The following SRGAP1 variants were observed in gnomAD, a reference collection of about 807,000 sequenced individuals.
SRGAP1 encodes SLIT-ROBO Rho GTPase-activating protein 1.
A neutral mutation model predicts 121.9 loss-of-function variants in SRGAP1; 43 were observed. The ratio of observed to expected loss-of-function variants is 0.35; its 90% CI spans 0.28 to 0.46. The LOEUF (loss-of-function observed/expected upper bound fraction) is 0.46, where lower values mean the gene tolerates loss of function less well. Ranked by LOEUF, SRGAP1 falls within the 20% of genes least tolerant of loss-of-function variation. SRGAP1 has a pLI of 1.00. For synonymous variants in SRGAP1, 447 were observed against 485.4 expected (o/e 0.92, Z 1.04); for missense variants, 1,102 against 1,350.9 (o/e 0.82, Z 2.89).
chr12:64,087,129 G>T, intron 11 of SRGAP1, 103 bp downstream of exon 11: 1 of 881,918 alleles, frequency 1.1e-6, no homozygotes, highest in Non-Finnish European at 1.7e-6. Context: ...TAATGAATAC[G>T]GGAGATAGTT....
chr12:64,137,961 A>AAAATATATAT (rs372355390), intron 21 of SRGAP1, among the ~76,000 whole-genome samples: 11 of 139,682 alleles, frequency 7.9e-5, no homozygotes, highest in African/African-American at 2.5e-4. Context: ...TTAAAAAAAA[A>AAAATATATAT]ATATATATAT....
chr12:63,888,949 T>C (rs1168341443), intron 1 of SRGAP1, among the ~76,000 whole-genome samples: 1 of 152,152 alleles, frequency 6.6e-6, no homozygotes, highest in Non-Finnish European at 1.5e-5. Context: ...GAATGGACCA[T>C]GAGTGGAGAG....
intron 8 of SRGAP1, among the ~76,000 whole-genome samples, chr12:64,076,061 C>T (rs1342254669): frequency 6.6e-6 from 1 of 152,164 alleles, no homozygotes; most frequent in Non-Finnish European, 1.5e-5. Context: ...ACCATATCTT[C>T]CCAAAAGGAA....
At chr12:63,894,741 G>A (rs1260977781) in intron 1 of SRGAP1, among the ~76,000 whole-genome samples, 2 of 151,968 alleles carry the variant, frequency 1.3e-5, no homozygotes, top group Non-Finnish European at 2.9e-5. Context: ...TTGTTCTTGC[G>A]ATAGTTTGCT....
At chr12:63,849,619 G>A (rs1379538581) in intron 1 of SRGAP1, among the ~76,000 whole-genome samples, 1 of 152,134 alleles carries the variant, frequency 6.6e-6, no homozygotes, top group African/African-American at 2.4e-5. Flanking sequence ...AATTTGATTT[G>A]GTATGGCCCT....
chr12:64,034,672 C>G (rs767500658), intron 4 of SRGAP1, among the ~76,000 whole-genome samples: 1 of 152,156 alleles, frequency 6.6e-6, no homozygotes, highest in East Asian at 1.9e-4. Context: ...TTATCCCCCC[C>G]ACCACCTTAG....
intron 1 of SRGAP1, among the ~76,000 whole-genome samples, chr12:63,858,175 TTG>T (rs1318509197): frequency 1.7e-5 from 2 of 120,566 alleles, no homozygotes; most frequent in East Asian, 3.9e-4. Context: ...TCGTTGTATT[TTG>T]TGTGTGGTGT....
At chr12:63,888,092 G>A (rs1361789145) in intron 1 of SRGAP1, 1 of 152,184 alleles carries the variant, frequency 6.6e-6, no homozygotes, top group African/African-American at 2.4e-5. Flanking sequence ...TCTTCTGGGT[G>A]TTGAGATGCA....
rs560123236 is a variant in SRGAP1 at position 64,068,747 on chromosome 12, C to T, written c.1125+3528C>T. ...TATGCAGGGTGGGCACAGTGGCTCA[C>T]GCCTATAATCCCAGCACTTTGGGAG... On this transcript the variant is annotated intron_variant, in intron 8 of 21. Coordinates refer to ENST00000355086, the MANE Select transcript of SRGAP1 (RefSeq NM_020762.4). Among the ~76,000 whole-genome samples the T allele has an allele frequency of 8.6e-4, 131 of 151,884 alleles. 1 individual carries two copies. Among genetic ancestry groups the T allele is most frequent in the African/African-American group, 2.9e-3 (119 of 41,448 alleles).
intron 4 of SRGAP1, among the ~76,000 whole-genome samples, chr12:64,040,275 A>G (rs1452561413): frequency 6.6e-6 from 1 of 152,216 alleles, no homozygotes; most frequent in Non-Finnish European, 1.5e-5. Flanking sequence ...TTAAAAACTC[A>G]TCTCTTGAAA....
chr12:64,039,710 G>C (rs995469095), intron 4 of SRGAP1, among the ~76,000 whole-genome samples: 1 of 138,622 alleles, frequency 7.2e-6, no homozygotes, highest in East Asian at 2.1e-4. Flanking sequence ...AAATATAATA[G>C]TATGTGGGTT....
At chr12:63,883,180 A>G (rs1388201592) in intron 1 of SRGAP1, among the ~76,000 whole-genome samples, 7 of 152,254 alleles carry the variant, frequency 4.6e-5, no homozygotes, top group Non-Finnish European at 8.8e-5. Context: ...TTTTCAAAGT[A>G]TCATGAAAGA....
Position 64,159,997 on chromosome 12 carries a change from A to C in SRGAP1, c.*17325A>C, listed in dbSNP as rs1450763112. The stretch of plus-strand genomic sequence containing the variant: ...CTTTGTTTCATTTGCTTAGCTTTCT[A>C]TTTACATAAATAGGTAAAAATTCCT... On this transcript the variant is annotated 3_prime_UTR_variant, in exon 22 of 22. Transcript: ENST00000355086. The C allele has an allele frequency of 6.6e-6, 1 of 152,048 alleles. No individual in the cohort carries two copies. The allele number at this position is 152,048 out of a possible 1,614,324, so 9.4% of individuals were successfully genotyped here. A position where few individuals can be genotyped will look rare whatever the true frequency, so the allele number is the denominator to read the frequency against.
Position 64,091,332 on chromosome 12 carries a change from A to G in SRGAP1, c.1493A>G (p.Gln498Arg). ...CACAGGAAGTCCAGGCCCCGCTCACAGTATAATACTAAGTTGTTTAATGGG... is the reference window on the plus strand; with the variant it reads ...CACAGGAAGTCCAGGCCCCGCTCACGGTATAATACTAAGTTGTTTAATGGG... Reference protein sequence around the residue: ...QKHRKSRPRSQYNTKLFNGDL... With the variant: ...QKHRKSRPRSRYNTKLFNGDL... Residue 498 changes from glutamine to arginine, a missense_variant, in exon 12 of 22, where the codon CAG becomes CGG. Transcript: ENST00000355086. 6.2e-7 allele frequency: 1 copy of G among 1,611,504 alleles called. No homozygotes were observed.
intron 10 of SRGAP1, 53 bp downstream of exon 10, chr12:64,080,423 G>C: frequency 1.0e-5 from 13 of 1,280,960 alleles, no homozygotes; most frequent in Non-Finnish European, 1.5e-5. Flanking sequence ...ATCGTATCAT[G>C]TATATATTCC....
At chr12:64,056,791 G>C (rs1246156046) in intron 6 of SRGAP1, among the ~76,000 whole-genome samples, 1 of 152,012 alleles carries the variant, frequency 6.6e-6, no homozygotes, top group African/African-American at 2.4e-5. Flanking sequence ...TTTCTCGCCT[G>C]GGGCCTTTGC....
intron 1 of SRGAP1, among the ~76,000 whole-genome samples, chr12:63,858,481 C>G (rs1006191637): frequency 1.3e-5 from 2 of 151,328 alleles, no homozygotes; most frequent in African/African-American, 4.9e-5. Context: ...CAAGCCTGAC[C>G]ACGAATCTGT....
chr12:63,961,532 T>C (rs949636993), intron 1 of SRGAP1, among the ~76,000 whole-genome samples: 5 of 152,230 alleles, frequency 3.3e-5, no homozygotes, highest in African/African-American at 1.2e-4. Context: ...GGGCAGGATG[T>C]GGCCTCCATT....
In SRGAP1 at chr12:63,901,386, T is replaced by C. The variant is rs112131962; in HGVS notation, c.67+56503T>C. On this transcript the variant is annotated intron_variant, in intron 1 of 21. Transcript: ENST00000355086. ...CTCCCTGTTGAGTTGTATTGTCTGG[T>C]CTGATTTTGGTACATGCTGAGCTCA... 9.9e-3 allele frequency among the ~76,000 whole-genome samples: 1,508 copies of C among 152,322 alleles called. 33 individuals are homozygous for C. Among genetic ancestry groups the C allele is most frequent in the African/African-American group, 0.034 (1,418 of 41,572 alleles).
Sources: allele counts gnomAD v4.1 joint callset (sites outside exome capture counted in the v4.1 genomes callset), GRCh38; gene constraint gnomAD v4.1.1; transcripts MANE v1.5; gene names NCBI Gene and HGNC (gene_info 2026-07-23, HGNC 2026-07-21).